ZFHX3: variants seen among roughly 807,000 people sequenced by gnomAD.
The protein encoded by ZFHX3 is zinc finger homeobox protein 3.
ZFHX3 carries 42 observed loss-of-function variants against 279.1 expected under a neutral mutation model. The observed-to-expected ratio is 0.15, with a 90% CI of 0.12 to 0.19. The LOEUF (loss-of-function observed/expected upper bound fraction) is 0.19, where lower values mean the gene tolerates loss of function less well. ZFHX3 is among the 10% of genes least tolerant of loss of function. ZFHX3 has a pLI of 1.00. For synonymous variants in ZFHX3, 2,293 were observed against 1,957.8 expected (o/e 1.17, Z -4.52); for missense variants, 4,981 against 4,754.0 (o/e 1.05, Z -1.40).
intron 5 of ZFHX3, among the ~76,000 whole-genome samples, chr16:73,164,031 T>C (rs932021014): frequency 6.6e-6 from 1 of 152,194 alleles, no homozygotes; most frequent in Non-Finnish European, 1.5e-5. Context: ...GAAAGCCTTG[T>C]AGAGCTGCTG....
At chr16:73,563,762 T>C (rs536841517) in intron 2 of ZFHX3, among the ~76,000 whole-genome samples, 51 of 152,312 alleles carry the variant, frequency 3.3e-4, no homozygotes, top group African/African-American at 1.2e-3. Flanking sequence ...CTCCTAGCCT[T>C]GCGTTCTTAG....
chr16:73,803,558 A>C (rs1392022496), intron 1 of ZFHX3, among the ~76,000 whole-genome samples: 2 of 152,264 alleles, frequency 1.3e-5, no homozygotes, highest in Non-Finnish European at 2.9e-5. Context: ...GTAAAAGCAC[A>C]AATATATAAT....
intron 1 of ZFHX3, among the ~76,000 whole-genome samples, chr16:73,043,223 C>A (rs1199976205): frequency 6.6e-6 from 1 of 152,174 alleles, no homozygotes; most frequent in Non-Finnish European, 1.5e-5. Flanking sequence ...CCAGCTAAGG[C>A]CCCTCTGGAA....
At chr16:72,921,582 C>T (rs909517813) in intron 3 of ZFHX3, among the ~76,000 whole-genome samples, 6 of 152,224 alleles carry the variant, frequency 3.9e-5, no homozygotes, top group African/African-American at 1.4e-4. Flanking sequence ...GATGAAAGCA[C>T]CTTAACAGTA....
At chr16:73,181,081 G>GTTTGTTTTGT (rs375983001) in intron 5 of ZFHX3, among the ~76,000 whole-genome samples, 181 of 143,028 alleles carry the variant, frequency 1.3e-3, no homozygotes, top group Middle Eastern at 3.5e-3. Flanking sequence ...TTTTTTGTTT[G>GTTTGTTTTGT]TTTGTTTTGT....
intron 2 of ZFHX3, among the ~76,000 whole-genome samples, chr16:73,461,240 C>A (rs2018465745): frequency 6.6e-6 from 1 of 152,126 alleles, no homozygotes; most frequent in African/African-American, 2.4e-5. Flanking sequence ...TGCCCATTTT[C>A]TAATTGGATT....
intron 3 of ZFHX3, among the ~76,000 whole-genome samples, chr16:73,434,158 G>A (rs1012944357): frequency 6.6e-6 from 1 of 152,166 alleles, no homozygotes; most frequent in South Asian, 2.1e-4. Context: ...TTTGCTGATC[G>A]ATCTTGGACT....
intron 5 of ZFHX3, among the ~76,000 whole-genome samples, chr16:73,228,977 C>T (rs1473014745): frequency 6.6e-6 from 1 of 152,102 alleles, no homozygotes; most frequent in Non-Finnish European, 1.5e-5. Flanking sequence ...GATGTGGTCT[C>T]CATGGACTTT....
At chr16:73,728,015 G>GA (rs377699912) in intron 1 of ZFHX3, among the ~76,000 whole-genome samples, 4,845 of 75,422 alleles carry the variant, frequency 0.064, 198 homozygotes, top group African/African-American at 0.1. Flanking sequence ...GCCGAATTGT[G>GA]CCCCCCCCCC....
At chr16:73,340,819 G>C (rs1306983616) in intron 3 of ZFHX3, among the ~76,000 whole-genome samples, 1 of 152,060 alleles carries the variant, frequency 6.6e-6, no homozygotes, top group Non-Finnish European at 1.5e-5. Flanking sequence ...AACCCTACAA[G>C]TACTGGAAAA....
At chr16:73,235,997 T>C (rs376632846) in intron 5 of ZFHX3, among the ~76,000 whole-genome samples, 2 of 152,192 alleles carry the variant, frequency 1.3e-5, no homozygotes, top group Non-Finnish European at 2.9e-5. Flanking sequence ...TTAAAAACCA[T>C]CTATGAGTTA....
chr16:73,616,298 G>A (rs948544591), intron 2 of ZFHX3, among the ~76,000 whole-genome samples: 1 of 149,942 alleles, frequency 6.7e-6, no homozygotes, highest in Non-Finnish European at 1.5e-5. Flanking sequence ...TAAAATCACG[G>A]TAATTGATCA....
At chr16:72,948,017 C>T (rs565777236) in intron 3 of ZFHX3, among the ~76,000 whole-genome samples, 1 of 152,310 alleles carries the variant, frequency 6.6e-6, no homozygotes, top group Non-Finnish European at 1.5e-5. Flanking sequence ...GGGAGCCTTC[C>T]TTAGTGGCAA....
chr16:73,327,479 C>G (rs1020255847), intron 3 of ZFHX3, among the ~76,000 whole-genome samples: 1 of 152,120 alleles, frequency 6.6e-6, no homozygotes, highest in Non-Finnish European at 1.5e-5. Context: ...CATGGATGAC[C>G]AATGGTTGGA....
intron 1 of ZFHX3, among the ~76,000 whole-genome samples, chr16:73,775,412 G>T (rs907798223): frequency 6.6e-6 from 1 of 152,116 alleles, no homozygotes; most frequent in African/African-American, 2.4e-5. Context: ...GCTGAGAAAA[G>T]AAATACTATG....
intron 1 of ZFHX3, among the ~76,000 whole-genome samples, chr16:73,866,243 G>C (rs376703714): frequency 7.6e-6 from 1 of 131,754 alleles, no homozygotes; most frequent in Admixed American, 9.1e-5. Flanking sequence ...GCAGTGGTAC[G>C]ATCTCGGCTC....
intron 1 of ZFHX3, among the ~76,000 whole-genome samples, chr16:73,727,615 A>AT (rs2142244911): frequency 6.6e-6 from 1 of 152,156 alleles, no homozygotes; most frequent in East Asian, 1.9e-4. Flanking sequence ...CTCATTATGC[A>AT]TTTTTCCAGG....
chr16:73,209,414 C>T (rs1211488673), intron 5 of ZFHX3, among the ~76,000 whole-genome samples: 1 of 152,150 alleles, frequency 6.6e-6, no homozygotes, highest in African/African-American at 2.4e-5. Flanking sequence ...GGTCTGGTGT[C>T]TGGTGAGAGC....
chr16:72,965,747 T>C (rs959420820), intron 1 of ZFHX3, among the ~76,000 whole-genome samples: 3 of 152,206 alleles, frequency 2.0e-5, no homozygotes, highest in Non-Finnish European at 4.4e-5. Flanking sequence ...AGTGACTTAA[T>C]GGATATGGAA....
Sources: allele counts gnomAD v4.1 joint callset (sites outside exome capture counted in the v4.1 genomes callset), GRCh38; gene constraint gnomAD v4.1.1; transcripts MANE v1.5; gene names NCBI Gene and HGNC (gene_info 2026-07-23, HGNC 2026-07-21).